KCNIP1: variants seen among roughly 807,000 people sequenced by gnomAD.
The protein encoded by KCNIP1 is A-type potassium channel modulatory protein KCNIP1.
Under a neutral mutation model 33.0 loss-of-function variants are expected in KCNIP1, and 18 were observed. That is an observed-to-expected ratio of 0.55 (90% CI 0.38 to 0.81). The LOEUF (loss-of-function observed/expected upper bound fraction) is 0.81. Among genes scored for constraint, KCNIP1 ranks in the 30% least tolerant of loss-of-function variants. The pLI is 0.00. For missense variants in KCNIP1, 238 were observed against 271.6 expected (o/e 0.88, Z 0.87); for synonymous variants, 93 against 98.3 (o/e 0.95, Z 0.32).
intron 1 of KCNIP1, among the ~76,000 whole-genome samples, chr5:170,367,347 GAAAA>G (rs36006713): frequency 1.2e-5 from 1 of 81,468 alleles, no homozygotes; most frequent in Non-Finnish European, 2.5e-5. Context: ...AAGAAGGAAA[GAAAA>G]AGAAAGAAAG....
chr5:170,360,134 C>T (rs937329001), intron 1 of KCNIP1, among the ~76,000 whole-genome samples: 6 of 152,200 alleles, frequency 3.9e-5, no homozygotes, highest in Non-Finnish European at 8.8e-5. Context: ...GCCTCCTTTG[C>T]CATGCCACAG....
At position 170,540,025 on chromosome 5, in the gene KCNIP1, G is replaced by A. The variant is rs192034864; in HGVS notation, c.61+35392G>A. Among the ~76,000 whole-genome samples the A allele has an allele frequency of 9.1e-4, 138 of 152,284 alleles. 1 individual carries two copies. Among genetic ancestry groups the A allele is most frequent in the African/African-American group, 2.8e-3 (118 of 41,550 alleles). On this transcript the variant is annotated intron_variant, in intron 1 of 7. Coordinates refer to ENST00000328939, the MANE Select transcript of KCNIP1 (RefSeq NM_014592.4). ...ATAAAGGAACGATCTTTCAACCTGC[G>A]TGCGGGTCTCAGCGGCTCCACTTGC...
chr5:170,388,145 G>C (rs1764561315), intron 1 of KCNIP1, among the ~76,000 whole-genome samples: 1 of 152,216 alleles, frequency 6.6e-6, no homozygotes, highest in African/African-American at 2.4e-5. Flanking sequence ...GAGCTCAGAA[G>C]GAAAGGAAAG....
At chr5:170,477,085 T>A (rs78127608) in intron 1 of KCNIP1, among the ~76,000 whole-genome samples, 1 of 152,164 alleles carries the variant, frequency 6.6e-6, no homozygotes, top group Non-Finnish European at 1.5e-5. Flanking sequence ...CTCTGTACTT[T>A]CTGCTCAATT....
chr5:170,615,393 C>T (rs905819), intron 1 of KCNIP1, among the ~76,000 whole-genome samples: 23,353 of 152,176 alleles, frequency 0.15, 1,944 homozygotes, highest in Non-Finnish European at 0.19. Flanking sequence ...GCACACGGAA[C>T]GCAGACTGAC....
intron 5 of KCNIP1, among the ~76,000 whole-genome samples, chr5:170,725,216 T>C (rs951516098): frequency 3.3e-5 from 5 of 152,306 alleles, no homozygotes; most frequent in African/African-American, 1.2e-4. Flanking sequence ...CAAAGAGATA[T>C]CTGCACTCCC....
intron 1 of KCNIP1, among the ~76,000 whole-genome samples, chr5:170,513,729 G>A (rs1055071700): frequency 3.9e-5 from 6 of 152,198 alleles, no homozygotes; most frequent in Admixed American, 2.6e-4. Context: ...CAGAATCCCA[G>A]AGCAGGATGG....
At chr5:170,638,516 A>C (rs1398188855) in intron 1 of KCNIP1, among the ~76,000 whole-genome samples, 1 of 152,196 alleles carries the variant, frequency 6.6e-6, no homozygotes, top group Non-Finnish European at 1.5e-5. Flanking sequence ...CAATGGAATA[A>C]GAAATTATTT....
intron 1 of KCNIP1, among the ~76,000 whole-genome samples, chr5:170,529,223 T>C (rs372115856): frequency 9.2e-5 from 14 of 152,296 alleles, no homozygotes; most frequent in African/African-American, 3.4e-4. Flanking sequence ...CTTGGCTTCA[T>C]TCTCAGGAAA....
intron 1 of KCNIP1, among the ~76,000 whole-genome samples, chr5:170,416,593 T>G (rs576950588): frequency 2.7e-5 from 4 of 150,762 alleles, no homozygotes; most frequent in African/African-American, 7.4e-5. Flanking sequence ...TTTCTGCATT[T>G]AAAATGGAGA....
intron 1 of KCNIP1, among the ~76,000 whole-genome samples, chr5:170,444,706 A>G (rs1265754506): frequency 6.6e-6 from 1 of 151,822 alleles, no homozygotes; most frequent in Non-Finnish European, 1.5e-5. Context: ...TTTTAAAAAA[A>G]AAAAAAAACC....
At chr5:170,385,211 A>C (rs1764414869) in intron 1 of KCNIP1, 2 of 1,287,016 alleles carry the variant, frequency 1.6e-6, no homozygotes, top group East Asian at 4.7e-5. Context: ...TGCTGCCTTG[A>C]ATGAGGGTCA....
chr5:170,599,117 C>T (rs915830897), intron 1 of KCNIP1, among the ~76,000 whole-genome samples: 4 of 151,996 alleles, frequency 2.6e-5, no homozygotes, highest in African/African-American at 9.7e-5. Context: ...GGAAGGAGCA[C>T]CAGATAGAAC....
intron 1 of KCNIP1, among the ~76,000 whole-genome samples, chr5:170,511,124 G>A (rs1347807326): frequency 1.3e-5 from 2 of 152,208 alleles, no homozygotes; most frequent in Admixed American, 6.5e-5. Flanking sequence ...CAGGAGAATC[G>A]CTTGAACCGA....
At chr5:170,562,482 C>T (rs1013636821) in intron 1 of KCNIP1, among the ~76,000 whole-genome samples, 1 of 152,164 alleles carries the variant, frequency 6.6e-6, no homozygotes, top group Admixed American at 6.5e-5. Flanking sequence ...AGCAGGCACT[C>T]GACAAACATT....
At chr5:170,470,661 G>A (rs1756702616) in intron 1 of KCNIP1, among the ~76,000 whole-genome samples, 1 of 152,252 alleles carries the variant, frequency 6.6e-6, no homozygotes, top group Non-Finnish European at 1.5e-5. Context: ...TGGAGACTAT[G>A]TGTTGGTTTG....
In KCNIP1 at chr5:170,404,968, G is replaced by A. The variant is rs752152457; in HGVS notation, c.88+51004G>A. ...ATTATTAAACATAAAGATGACTTCC[G>A]GTTCTCCAGCACATAAATAAAGCTG... On this transcript the variant is annotated intron_variant, in intron 1 of 7. Coordinates refer to the KCNIP1 transcript ENST00000377360. Among the ~76,000 whole-genome samples the A allele has an allele frequency of 5.9e-5, 9 of 152,222 alleles. No homozygotes were observed. In the South Asian group the frequency reaches 6.2e-4, roughly 11 times the overall value.
upstream of KCNIP1, among the ~76,000 whole-genome samples, chr5:170,503,430 T>G: frequency 6.7e-6 from 1 of 149,744 alleles, no homozygotes. Flanking sequence ...AATGAGAGTG[T>G]AAGGGCCCAG....
At chr5:170,446,303 TG>T (rs562713492) in intron 1 of KCNIP1, among the ~76,000 whole-genome samples, 1 of 152,186 alleles carries the variant, frequency 6.6e-6, no homozygotes, top group Non-Finnish European at 1.5e-5. Context: ...TTGAAGGTAT[TG>T]GACTCTTACA....
Sources: gnomAD v4.1 joint callset for allele counts (sites outside exome capture counted in the v4.1 genomes callset) on GRCh38, gnomAD v4.1.1 for gene constraint, MANE v1.5 for transcripts, NCBI Gene and HGNC (gene_info 2026-07-23, HGNC 2026-07-21) for gene names.